The following MBD5 variants were observed in gnomAD, a reference collection of about 807,000 sequenced individuals.
The protein encoded by MBD5 is methyl-CpG-binding domain protein 5.
In MBD5, 13 loss-of-function variants were observed where a neutral mutation model predicts 117.3. The observed-to-expected ratio is 0.11, with a 90% confidence interval of 0.07 to 0.18. The LOEUF (loss-of-function observed/expected upper bound fraction) is 0.18, where lower values mean the gene tolerates loss of function less well. MBD5 is among the 10% of genes least tolerant of loss of function. The pLI is 1.00. For missense variants in MBD5, 1,879 were observed against 2,093.8 expected (o/e 0.90, Z 2.00); for synonymous variants, 727 against 766.4 (o/e 0.95, Z 0.85).
At chr2:148,421,153 A>C (rs1436997739) in intron 4 of MBD5, among the ~76,000 whole-genome samples, 2 of 152,200 alleles carry the variant, frequency 1.3e-5, no homozygotes, top group Non-Finnish European at 2.9e-5. Flanking sequence ...GAACAGGAAC[A>C]GCTCCGGTCT....
At chr2:148,288,180 C>T (rs1701407864) in intron 3 of MBD5, among the ~76,000 whole-genome samples, 1 of 147,772 alleles carries the variant, frequency 6.8e-6, no homozygotes, top group African/African-American at 2.5e-5. Context: ...GCAGGCGGAT[C>T]ACGAGGTCAG....
At chr2:148,030,336 A>G (rs1177976076) in intron 1 of MBD5, among the ~76,000 whole-genome samples, 1 of 152,130 alleles carries the variant, frequency 6.6e-6, no homozygotes, top group Non-Finnish European at 1.5e-5. Context: ...ATGAAAAACA[A>G]CCATGCAAAA....
intron 1 of MBD5, among the ~76,000 whole-genome samples, chr2:148,112,113 A>T (rs1208066453): frequency 6.6e-6 from 1 of 152,192 alleles, no homozygotes; most frequent in Non-Finnish European, 1.5e-5. Flanking sequence ...ATGTGACTAG[A>T]GCCTAGAAAT....
At chr2:148,229,011 T>C (rs943318576) in intron 2 of MBD5, among the ~76,000 whole-genome samples, 30 of 152,280 alleles carry the variant, frequency 2.0e-4, no homozygotes, top group African/African-American at 7.2e-4. Flanking sequence ...TTCTTCTTTA[T>C]TAGTCTTGCT....
chr2:148,451,256 A>G (rs943701202), intron 4 of MBD5, among the ~76,000 whole-genome samples: 10 of 152,200 alleles, frequency 6.6e-5, no homozygotes, highest in African/African-American at 2.4e-4. Flanking sequence ...TCTGAGAGGT[A>G]TATTTTGGAA....
intron 1 of MBD5, chr2:148,044,780 A>ATT (rs1694468493): frequency 6.6e-6 from 1 of 152,130 alleles, no homozygotes; most frequent in Non-Finnish European, 1.5e-5. Context: ...TTTCTGAGAA[A>ATT]CTACATGAAA....
chr2:148,487,710 A>G (rs1681383271), intron 10 of MBD5, among the ~76,000 whole-genome samples: 1 of 152,130 alleles, frequency 6.6e-6, no homozygotes, highest in Non-Finnish European at 1.5e-5. Context: ...TAAAGAGTAT[A>G]GATTAAAGAA....
At chr2:148,243,816 T>A (rs1700274817) in intron 3 of MBD5, 1 of 151,918 alleles carries the variant, frequency 6.6e-6, no homozygotes, top group Non-Finnish European at 1.5e-5. Context: ...AGCATATAGT[T>A]TAGTAGGACA....
intron 4 of MBD5, among the ~76,000 whole-genome samples, chr2:148,363,740 A>C (rs1177263866): frequency 2.6e-5 from 4 of 152,130 alleles, no homozygotes; most frequent in Admixed American, 6.6e-5. Flanking sequence ...GGAAAAAAGG[A>C]TATCAGAGAT....
chr2:148,160,793 A>G (rs80002504), intron 1 of MBD5, among the ~76,000 whole-genome samples: 71 of 152,324 alleles, frequency 4.7e-4, no homozygotes, highest in African/African-American at 1.7e-3. Context: ...GTTCTTTAAG[A>G]ATTACAAAGG....
At position 148,489,282 on chromosome 2, in the gene MBD5, T is replaced by A. The variant is rs947848747; in HGVS notation, c.3754-104T>A. On this transcript the variant is annotated intron_variant, in intron 10 of 13. Coordinates refer to ENST00000642680, the MANE Select transcript of MBD5 (RefSeq NM_001378120.1). Reference sequence around the variant, plus strand: ...TTGTTCTTTATATTTCCTTCCTTGTTAATATTTGTTTGTCTTTTGGTAAAT... The same window carrying A: ...TTGTTCTTTATATTTCCTTCCTTGTAAATATTTGTTTGTCTTTTGGTAAAT... The A allele has an allele frequency of 4.4e-6, 6 of 1,359,906 alleles. No individual in the cohort carries two copies. The African/African-American group carries it at 7.2e-5, about 16-fold the overall frequency. The allele number at this position is 1,359,906 out of a possible 1,614,324, so 84.2% of individuals were successfully genotyped here.
At chr2:148,392,528 A>G (rs1704597033) in intron 4 of MBD5, among the ~76,000 whole-genome samples, 1 of 152,198 alleles carries the variant, frequency 6.6e-6, no homozygotes, top group Non-Finnish European at 1.5e-5. Flanking sequence ...CCACTTATGT[A>G]CACCATAGCC....
At chr2:148,166,043 A>G (rs1359983624) in intron 1 of MBD5, among the ~76,000 whole-genome samples, 1 of 152,212 alleles carries the variant, frequency 6.6e-6, no homozygotes, top group Non-Finnish European at 1.5e-5. Flanking sequence ...ATCTAAAATT[A>G]TATTCCATTT....
At chr2:148,484,912 GT>G (rs1406264791) in intron 9 of MBD5, among the ~76,000 whole-genome samples, 1 of 152,000 alleles carries the variant, frequency 6.6e-6, no homozygotes, top group Admixed American at 6.6e-5. Flanking sequence ...TAAAAAATTT[GT>G]TTATTATTTA....
intron 2 of MBD5, among the ~76,000 whole-genome samples, chr2:148,218,441 C>T (rs1699608524): frequency 6.6e-6 from 1 of 152,064 alleles, no homozygotes; most frequent in South Asian, 2.1e-4. Flanking sequence ...ATAGCCGAGC[C>T]CAAAGTCAAA....
intron 4 of MBD5, among the ~76,000 whole-genome samples, chr2:148,373,918 G>A (rs901479202): frequency 1.6e-4 from 25 of 151,920 alleles, no homozygotes; most frequent in Non-Finnish European, 2.6e-4. Context: ...TACAGGCTGG[G>A]CATCCATAAC....
chr2:148,353,381 C>T lies in MBD5; in HGVS notation c.-557+11045C>T, dbSNP rs117957953. Among the ~76,000 whole-genome samples the T allele has an allele frequency of 6.0e-4, 92 of 152,160 alleles. 2 individuals are homozygous for T. The East Asian group carries it at 0.016, about 27-fold the overall frequency. ...GGCCCAAATTTTCCCATGTAAGCCT[C>T]GCTTCTCTTTCCACTTTTCCTTTGA... On this transcript the variant is annotated intron_variant, in intron 4 of 13. Transcript: ENST00000642680.
At chr2:148,220,030 A>G (rs1041028854) in intron 2 of MBD5, 3 of 152,162 alleles carry the variant, frequency 2.0e-5, no homozygotes, top group African/African-American at 7.2e-5. Context: ...TGAATAATAA[A>G]TAGGTAAGTA....
intron 3 of MBD5, among the ~76,000 whole-genome samples, chr2:148,252,075 C>G (rs1187858262): frequency 6.6e-6 from 1 of 152,094 alleles, no homozygotes; most frequent in African/African-American, 2.4e-5. Context: ...AGAGAGCTAT[C>G]AAGAGCGTCC....
Sources: gnomAD v4.1 joint callset for allele counts (sites outside exome capture counted in the v4.1 genomes callset) on GRCh38, gnomAD v4.1.1 for gene constraint, MANE v1.5 for transcripts, NCBI Gene and HGNC (gene_info 2026-07-23, HGNC 2026-07-21) for gene names.